Variants in MYO1E observed in about 807,000 individuals in gnomAD.
The protein encoded by MYO1E is unconventional myosin-Ie.
In MYO1E, 68 loss-of-function variants were observed where a neutral mutation model predicts 151.1. The ratio of observed to expected loss-of-function variants is 0.45; its 90% CI spans 0.37 to 0.55. The LOEUF (loss-of-function observed/expected upper bound fraction) is 0.55. Among genes scored for constraint, MYO1E ranks in the 20% least tolerant of loss-of-function variants. The pLI, the probability that MYO1E is intolerant of heterozygous loss-of-function variation, is 0.00. For missense variants in MYO1E, 1,363 were observed against 1,389.3 expected, an observed-to-expected ratio of 0.98 and a Z score of 0.30; for synonymous variants, 601 against 501.7, an observed-to-expected ratio of 1.20 and a Z score of -2.64.
chr15:59,168,932 G>A (rs2079576585), intron 22 of MYO1E, among the ~76,000 whole-genome samples: 1 of 152,110 alleles, frequency 6.6e-6, no homozygotes, highest in African/African-American at 2.4e-5. Context: ...TTTATTTCAT[G>A]CTCAAATGTT....
chr15:59,165,297 G>T (rs1349794529), intron 22 of MYO1E, among the ~76,000 whole-genome samples: 1 of 152,146 alleles, frequency 6.6e-6, no homozygotes, highest in Non-Finnish European at 1.5e-5. Context: ...GGAAGCAAGA[G>T]GCCAGTGTCA....
intron 25 of MYO1E, among the ~76,000 whole-genome samples, chr15:59,154,755 C>T (rs1216556698): frequency 6.6e-6 from 1 of 152,188 alleles, no homozygotes; most frequent in Non-Finnish European, 1.5e-5. Flanking sequence ...GAAAGAACCA[C>T]GAGATAGGTC....
chr15:59,302,576 G>A (rs966950512), intron 1 of MYO1E, among the ~76,000 whole-genome samples: 2 of 152,094 alleles, frequency 1.3e-5, no homozygotes, highest in Non-Finnish European at 2.9e-5. Context: ...TTCACATGTC[G>A]TCTTGACCTT....
At chr15:59,148,220 G>A (rs1438749718) in intron 26 of MYO1E, among the ~76,000 whole-genome samples, 1 of 152,140 alleles carries the variant, frequency 6.6e-6, no homozygotes, top group African/African-American at 2.4e-5. Flanking sequence ...GTAGCACATA[G>A]AAGGCACATG....
chr15:59,178,654 TC>T (rs1596353792), intron 18 of MYO1E, 117 bp from the exon 19 acceptor site: 2 of 1,350,482 alleles, frequency 1.5e-6, no homozygotes, highest in Non-Finnish European at 2.0e-6. Context: ...AAGTTACTGA[TC>T]ATCTGTTTAC....
In MYO1E at chr15:59,173,813, T is replaced by C; in HGVS notation, c.2267A>G (p.Gln756Arg). 1 of 1,614,104 alleles carries C rather than the reference T, an allele frequency of 6.2e-7. No individual in the cohort carries two copies. Among genetic ancestry groups the C allele is most frequent in the Non-Finnish European group, 8.5e-7 (1 of 1,179,966 alleles). The change falls in exon 21 of 28, where the codon CAG (glutamine) becomes CGG (arginine). Residue 756 changes from glutamine (Q) to arginine (R), a missense_variant. By Grantham distance (43) the Gln-to-Arg change is conservative. Coordinates refer to ENST00000288235, the MANE Select transcript of MYO1E (RefSeq NM_004998.4). ...AATCTTCTCCCTCTTGCCCACGAAC[T>C]GCTGGAGTTCTGGGTGCTCTTCCAT... The part of the protein sequence containing the change: ...IGMEEHPELQ[Q>R]FVGKREKIDF...
intron 26 of MYO1E, among the ~76,000 whole-genome samples, chr15:59,145,933 C>T (rs1255348564): frequency 1.3e-5 from 2 of 152,210 alleles, no homozygotes; most frequent in African/African-American, 4.8e-5. Flanking sequence ...ACCATCCTAC[C>T]ATCCTACCAT....
At chr15:59,343,623 A>G (rs2080777722) in intron 1 of MYO1E, among the ~76,000 whole-genome samples, 1 of 152,000 alleles carries the variant, frequency 6.6e-6, no homozygotes, top group Non-Finnish European at 1.5e-5. Context: ...TACCTCCTTT[A>G]AGGCCAATAA....
intron 22 of MYO1E, chr15:59,171,116 G>A (rs535205498): frequency 1.3e-5 from 2 of 156,010 alleles, no homozygotes; most frequent in Admixed American, 6.5e-5. Context: ...GATTTCCTGT[G>A]TCAGCGGAAC....
chr15:59,325,500 A>T (rs563297718), intron 1 of MYO1E, among the ~76,000 whole-genome samples: 61 of 152,190 alleles, frequency 4.0e-4, no homozygotes, highest in Non-Finnish European at 7.6e-4. Flanking sequence ...ACAGGTTGAG[A>T]TTATTTATTT....
intron 17 of MYO1E, among the ~76,000 whole-genome samples, chr15:59,190,630 C>T (rs748749826): frequency 1.4e-4 from 22 of 152,212 alleles, no homozygotes; most frequent in Non-Finnish European, 3.1e-4. Flanking sequence ...ATTCCTGCTG[C>T]GCCACTGGCC....
At position 59,209,063 on chromosome 15, in the gene MYO1E, C is replaced by T. The variant is rs556287455; in HGVS notation, c.1363-215G>A. 16 of 616,518 alleles carry T rather than the reference C, an allele frequency of 2.6e-5. No individual in the cohort carries two copies. In the African/African-American group the frequency reaches 2.9e-4, roughly 11 times the overall value. The allele number at this position is 616,518 out of a possible 1,614,324, so 38.2% of individuals were successfully genotyped here. A position where few individuals can be genotyped will look rare whatever the true frequency, so the allele number is the denominator to read the frequency against. The stretch of plus-strand genomic sequence containing the variant: ...GGAGGAAACTCCACTTTCCAAAAAG[C>T]TGTTTAACTCCCTGAAGTTTTATCC... On this transcript the variant is annotated intron_variant, in intron 13 of 27. Coordinates refer to ENST00000288235, the MANE Select transcript of MYO1E (RefSeq NM_004998.4).
intron 16 of MYO1E, among the ~76,000 whole-genome samples, chr15:59,197,236 A>G (rs960344230): frequency 6.6e-6 from 1 of 151,952 alleles, no homozygotes. Flanking sequence ...CAGGTGATCC[A>G]CCCGCCTCAG....
chr15:59,233,480 A>G (rs1177432510), intron 5 of MYO1E, among the ~76,000 whole-genome samples: 1 of 152,086 alleles, frequency 6.6e-6, no homozygotes. Flanking sequence ...CCTGGCCAGC[A>G]TGGTGAAACC....
chr15:59,225,220 T>G (rs1316423828), intron 7 of MYO1E, among the ~76,000 whole-genome samples: 1 of 152,268 alleles, frequency 6.6e-6, no homozygotes, highest in East Asian at 1.9e-4. Context: ...TGGTACTCTT[T>G]GCCTTCTTTA....
At chr15:59,140,648 T>C (rs2079403507) in intron 26 of MYO1E, among the ~76,000 whole-genome samples, 1 of 152,182 alleles carries the variant, frequency 6.6e-6, no homozygotes, top group Non-Finnish European at 1.5e-5. Flanking sequence ...TTTTGAGCTG[T>C]GCTCTCAGGA....
At position 59,210,509 on chromosome 15, in the gene MYO1E, C is replaced by T. The variant is rs2079872433; in HGVS notation, c.1362+5G>A. 1 of 1,558,330 alleles carries T rather than the reference C, an allele frequency of 6.4e-7. No individual in the cohort carries two copies. Among genetic ancestry groups the T allele is most frequent in the South Asian group, 1.1e-5 (1 of 89,920 alleles). On this transcript the variant is annotated splice_donor_5th_base_variant and intron_variant, in intron 13 of 27. Transcript: ENST00000288235. Reference sequence around the variant, plus strand: ...AGTGAAAAGACATACTAAATGAACACTTACCACTTTGTTCTCTATGAGGTC... The same window carrying T: ...AGTGAAAAGACATACTAAATGAACATTTACCACTTTGTTCTCTATGAGGTC...
In MYO1E at chr15:59,158,317, A is replaced by C; in HGVS notation, c.2848T>G (p.Tyr950Asp). The change falls in exon 25 of 28, where the codon TAC (tyrosine) becomes GAC (aspartate). Residue 950 changes from tyrosine (Y) to aspartate (D), a missense_variant. Transcript: ENST00000288235. ...GYSSGTQNAN[Y>D]PVRAAPPPPG... Reference sequence around the variant, plus strand: ...GGAGGAGGGGCAGCTCTCACTGGGTAGTTGGCATTTTGAGTCCCACTGGAA... The same window carrying C: ...GGAGGAGGGGCAGCTCTCACTGGGTCGTTGGCATTTTGAGTCCCACTGGAA... 6.3e-7 allele frequency: 1 copy of C among 1,577,812 alleles called. No individual in the cohort carries two copies. Among genetic ancestry groups the C allele is most frequent in the Non-Finnish European group, 8.6e-7 (1 of 1,159,598 alleles).
At chr15:59,317,184 T>C (rs959045899) in intron 1 of MYO1E, among the ~76,000 whole-genome samples, 10 of 152,226 alleles carry the variant, frequency 6.6e-5, no homozygotes, top group African/African-American at 2.4e-4. Context: ...TTGCTATAAG[T>C]TGGCAGATAG....
Sources: gnomAD v4.1 joint callset for allele counts (sites outside exome capture counted in the v4.1 genomes callset) on GRCh38, gnomAD v4.1.1 for gene constraint, MANE v1.5 for transcripts, NCBI Gene and HGNC (gene_info 2026-07-23, HGNC 2026-07-21) for gene names.